STK32B: variants seen among roughly 807,000 people sequenced by gnomAD.
STK32B encodes serine/threonine kinase 32B, also known as serine/threonine-protein kinase 32B.
In STK32B, 43 loss-of-function variants were observed where a neutral mutation model predicts 52.6. That is an observed-to-expected ratio of 0.82 (90% CI 0.64 to 1.05). The LOEUF is 1.05. Ranked by LOEUF, STK32B falls within the 50% of genes least tolerant of loss-of-function variation. STK32B has a pLI of 0.00. For synonymous variants in STK32B, 238 were observed against 204.3 expected, an observed-to-expected ratio of 1.17 and a Z score of -1.41; for missense variants, 621 against 534.6, an observed-to-expected ratio of 1.16 and a Z score of -1.59.
At chr4:5,111,287 A>AT (rs1056996246) in intron 1 of STK32B, among the ~76,000 whole-genome samples, 5 of 152,186 alleles carry the variant, frequency 3.3e-5, no homozygotes, top group African/African-American at 1.2e-4. Flanking sequence ...AAAATAAATT[A>AT]TTACACAAAA....
At chr4:5,383,438 G>C (rs1426360179) in intron 4 of STK32B, among the ~76,000 whole-genome samples, 1 of 152,208 alleles carries the variant, frequency 6.6e-6, no homozygotes, top group Non-Finnish European at 1.5e-5. Context: ...TGTGCCAGAG[G>C]TTGGCGACTA....
intron 3 of STK32B, among the ~76,000 whole-genome samples, chr4:5,249,511 C>A (rs1358817896): frequency 6.8e-6 from 1 of 147,740 alleles, no homozygotes; most frequent in East Asian, 2.1e-4. Flanking sequence ...TCCTCCCTCC[C>A]TTCCTTTAAA....
At chr4:5,154,390 T>C (rs1050040357) in intron 2 of STK32B, among the ~76,000 whole-genome samples, 1 of 152,096 alleles carries the variant, frequency 6.6e-6, no homozygotes, top group Non-Finnish European at 1.5e-5. Flanking sequence ...TAATTTTGTA[T>C]TTTTAGTAGA....
chr4:5,025,283 C>T, the STK32B span, among the ~76,000 whole-genome samples: 1 of 152,100 alleles, frequency 6.6e-6, no homozygotes, highest in African/African-American at 2.4e-5. Flanking sequence ...TGCTGGTCCA[C>T]TTGATCCCCC....
chr4:5,047,372 G>A (rs2108747943), upstream of STK32B, among the ~76,000 whole-genome samples: 1 of 152,066 alleles, frequency 6.6e-6, no homozygotes, highest in African/African-American at 2.4e-5. Context: ...ACCTAGAGGA[G>A]GGGTCAATAG....
At chr4:5,446,937 A>T in intron 7 of STK32B, 161 bp downstream of exon 7, 3 of 617,400 alleles carry the variant, frequency 4.9e-6, no homozygotes, top group Non-Finnish European at 8.5e-6. Context: ...CCGCCTATGA[A>T]CGCCCTGAAC....
At chr4:5,496,304 C>T (rs1039231782) in intron 11 of STK32B, among the ~76,000 whole-genome samples, 17 of 152,326 alleles carry the variant, frequency 1.1e-4, no homozygotes, top group East Asian at 3.9e-4. Context: ...CCACCAGCCT[C>T]GCTGCCGCCT....
chr4:5,445,913 C>G (rs1715366370), intron 6 of STK32B, among the ~76,000 whole-genome samples: 1 of 149,590 alleles, frequency 6.7e-6, no homozygotes, highest in East Asian at 2.0e-4. Context: ...TTAGATGTCA[C>G]CTATGCTAAA....
At chr4:5,384,836 G>A (rs1736145941) in intron 4 of STK32B, among the ~76,000 whole-genome samples, 1 of 152,192 alleles carries the variant, frequency 6.6e-6, no homozygotes, top group Non-Finnish European at 1.5e-5. Flanking sequence ...AGAGTGGGAT[G>A]TTTGAGGAGA....
intron 4 of STK32B, among the ~76,000 whole-genome samples, chr4:5,335,068 G>A (rs979747807): frequency 2.2e-5 from 3 of 134,904 alleles, no homozygotes; most frequent in African/African-American, 3.4e-5. Flanking sequence ...GTTCCTCCTT[G>A]TACCTCTGGT....
At chr4:5,193,761 C>T (rs910059996) in intron 3 of STK32B, among the ~76,000 whole-genome samples, 3 of 152,248 alleles carry the variant, frequency 2.0e-5, no homozygotes, top group African/African-American at 7.2e-5. Context: ...TTGTTCCCAA[C>T]AAATGTGCGA....
intron 1 of STK32B, among the ~76,000 whole-genome samples, chr4:5,108,599 T>C (rs183018570): frequency 6.6e-6 from 1 of 152,246 alleles, no homozygotes; most frequent in African/African-American, 2.4e-5. Context: ...CTTAAAGATT[T>C]ATTTGTGGCA....
At chr4:5,153,801 A>G (rs1717570745) in intron 2 of STK32B, among the ~76,000 whole-genome samples, 1 of 152,158 alleles carries the variant, frequency 6.6e-6, no homozygotes, top group Admixed American at 6.5e-5. Flanking sequence ...AAACTACAAA[A>G]TGTCTACTAG....
At chr4:5,436,565 G>A in intron 6 of STK32B, 12 of 985,334 alleles carry the variant, frequency 1.2e-5, no homozygotes, top group Non-Finnish European at 1.4e-5. Context: ...TGGGTCCAGA[G>A]GCCCAGCTGG....
chr4:5,487,852 A>G (rs1473712379), intron 11 of STK32B, among the ~76,000 whole-genome samples: 1 of 152,322 alleles, frequency 6.6e-6, no homozygotes, highest in South Asian at 2.1e-4. Context: ...TTATGGCATC[A>G]GGAAGCTTGG....
intron 3 of STK32B, among the ~76,000 whole-genome samples, chr4:5,170,902 T>C (rs1489427521): frequency 6.6e-6 from 1 of 152,104 alleles, no homozygotes; most frequent in Non-Finnish European, 1.5e-5. Context: ...TCCACAATGG[T>C]TGAACTAGTT....
At chr4:5,342,651 AC>A (rs1733164259) in intron 4 of STK32B, among the ~76,000 whole-genome samples, 1 of 152,120 alleles carries the variant, frequency 6.6e-6, no homozygotes, top group Admixed American at 6.5e-5. Context: ...CACCTCCAAC[AC>A]TGGAAATTAC....
At position 5,498,968 on chromosome 4, in the gene STK32B, G is replaced by A. The variant is rs1432007865; in HGVS notation, c.1130G>A (p.Gly377Asp). Reference protein sequence around the residue: ...REKLRRQQGQGSQLLDTDSRG... With the variant: ...REKLRRQQGQDSQLLDTDSRG... ...AGGCTCAGGAGGCAGCAGGGACAGG[G>A]CAGCCAGCTCTTGGACACCGACAGC... is the stretch of plus-strand genomic sequence containing the variant. Residue 377 changes from glycine (G) to aspartate (D), a missense_variant, in exon 12 of 12, where the codon GGC becomes GAC. Transcript: ENST00000282908. The A allele has an allele frequency of 3.1e-6, 5 of 1,613,386 alleles. No individual in the cohort carries two copies. The Admixed American group carries it at 5.0e-5, about 16-fold the overall frequency.
chr4:5,446,319 A>G (rs2109121328), intron 6 of STK32B, among the ~76,000 whole-genome samples: 1 of 152,310 alleles, frequency 6.6e-6, no homozygotes, highest in East Asian at 1.9e-4. Flanking sequence ...TAATCCCAGC[A>G]CTTTGGGAGG....
Sources: gnomAD v4.1 joint callset for allele counts (sites outside exome capture counted in the v4.1 genomes callset) on GRCh38, gnomAD v4.1.1 for gene constraint, MANE v1.5 for transcripts, NCBI Gene and HGNC (gene_info 2026-07-23, HGNC 2026-07-21) for gene names.